OCA2: variants seen among roughly 807,000 people sequenced by gnomAD.
The protein encoded by OCA2 is OCA2 melanosomal transmembrane protein, also known as P protein.
Under a neutral mutation model 100.2 loss-of-function variants are expected in OCA2, and 77 were observed. The ratio of observed to expected loss-of-function variants is 0.77; its 90% confidence interval spans 0.64 to 0.93. The LOEUF (loss-of-function observed/expected upper bound fraction) is 0.93. Among genes scored for constraint, OCA2 ranks in the 40% least tolerant of loss-of-function variants. The pLI is 0.00. For missense variants in OCA2, 1,062 were observed against 1,089.1 expected, an observed-to-expected ratio of 0.98 and a Z score of 0.35; for synonymous variants, 432 against 439.2, an observed-to-expected ratio of 0.98 and a Z score of 0.21.
chr15:27,847,508 A>C (rs1421374067), intron 22 of OCA2, among the ~76,000 whole-genome samples: 1 of 152,156 alleles, frequency 6.6e-6, no homozygotes, highest in Non-Finnish European at 1.5e-5. Context: ...AGCAAGGCTG[A>C]TACCAAAGCA....
the OCA2 span, among the ~76,000 whole-genome samples, chr15:27,730,732 AATATATATATATATATATATATATATAT>A: frequency 2.7e-3 from 278 of 102,012 alleles, no homozygotes; most frequent in African/African-American, 8.1e-3. Flanking sequence ...AAAAAGACCA[AATATATATATATATATATATATATATAT>A]ATATATATAT....
At position 27,798,760 on chromosome 15, in the gene OCA2, C is replaced by T. The variant is rs550318522; in HGVS notation, c.2433-43288G>A. On this transcript the variant is annotated intron_variant, in intron 23 of 23. Coordinates refer to ENST00000354638, the MANE Select transcript of OCA2 (RefSeq NM_000275.3). Reference sequence around the variant, plus strand: ...TGTGGGGTTTGGATGCTGATTCCAACATTCAAAATAACACGCAAGGTAACT... The same window carrying T: ...TGTGGGGTTTGGATGCTGATTCCAATATTCAAAATAACACGCAAGGTAACT... 5.3e-5 allele frequency among the ~76,000 whole-genome samples: 8 copies of T among 152,290 alleles called. No homozygotes were observed. The South Asian group carries it at 1.2e-3, about 24-fold the overall frequency.
At position 27,886,383 on chromosome 15, in the gene OCA2, G is replaced by A. The variant is rs180856781; in HGVS notation, c.2080-14461C>T. Among the ~76,000 whole-genome samples the A allele has an allele frequency of 2.8e-3, 422 of 152,278 alleles. 5 individuals are homozygous for A. Among genetic ancestry groups the A allele is most frequent in the Admixed American group, 0.022 (342 of 15,286 alleles). ...TTCAAGGTTCTCAAACCAAACGGCC[G>A]CTGAGAAGCCAATAAAGTTCCTTAA... On this transcript the variant is annotated intron_variant, in intron 19 of 23. Coordinates refer to ENST00000354638, the MANE Select transcript of OCA2 (RefSeq NM_000275.3).
the OCA2 span, among the ~76,000 whole-genome samples, chr15:27,745,894 T>G: frequency 1.3e-5 from 2 of 152,244 alleles, no homozygotes; most frequent in African/African-American, 4.8e-5. Context: ...TCAGAAAACC[T>G]TTGAATCCAC....
intron 18 of OCA2, among the ~76,000 whole-genome samples, chr15:27,931,900 C>T (rs2039265113): frequency 6.6e-6 from 1 of 152,144 alleles, no homozygotes; most frequent in Non-Finnish European, 1.5e-5. Context: ...CACTCCTGTT[C>T]ATCTGGTCCT....
intron 18 of OCA2, among the ~76,000 whole-genome samples, chr15:27,948,217 T>C (rs1254489461): frequency 2.0e-5 from 3 of 152,114 alleles, no homozygotes; most frequent in Non-Finnish European, 4.4e-5. Context: ...GGGATTCTCA[T>C]TGTGCCACGT....
At chr15:27,865,180 CTT>C (rs1374989102) in intron 21 of OCA2, among the ~76,000 whole-genome samples, 1 of 151,946 alleles carries the variant, frequency 6.6e-6, no homozygotes, top group African/African-American at 2.4e-5. Flanking sequence ...TGTTTTGTCT[CTT>C]GAGACTCAAT....
At chr15:28,048,592 A>G (rs989248446) in intron 2 of OCA2, among the ~76,000 whole-genome samples, 1 of 152,226 alleles carries the variant, frequency 6.6e-6, no homozygotes, top group Non-Finnish European at 1.5e-5. Context: ...TTAGAAAAAA[A>G]CAAACATGAC....
intron 1 of OCA2, among the ~76,000 whole-genome samples, chr15:28,088,204 G>A (rs577801616): frequency 5.3e-5 from 8 of 152,290 alleles, no homozygotes; most frequent in African/African-American, 1.4e-4. Flanking sequence ...ACATTTATAC[G>A]TAGGTAAATA....
intron 4 of OCA2, among the ~76,000 whole-genome samples, chr15:28,027,551 G>A (rs58242841): frequency 0.02 from 3,043 of 152,230 alleles, 55 homozygotes; most frequent in African/African-American, 0.049. Context: ...AAAACGCCAC[G>A]GGGACGCCTG....
chr15:27,909,647 G>A (rs1267489559), intron 19 of OCA2, among the ~76,000 whole-genome samples: 4 of 152,082 alleles, frequency 2.6e-5, no homozygotes, highest in Admixed American at 2.0e-4. Flanking sequence ...AATCACTGGA[G>A]TACAAGTGTC....
chr15:27,722,668 TTTCTTTTC>T, the OCA2 span, among the ~76,000 whole-genome samples: 4 of 151,074 alleles, frequency 2.6e-5, no homozygotes, highest in African/African-American at 9.8e-5. Context: ...CTTTCTTTCC[TTTCTTTTC>T]TTTCTTTCTT....
chr15:28,066,311 A>G (rs1281923056), intron 2 of OCA2, among the ~76,000 whole-genome samples: 1 of 152,180 alleles, frequency 6.6e-6, no homozygotes, highest in Admixed American at 6.5e-5. Flanking sequence ...TTTGAAACCA[A>G]AAATAAAATT....
At chr15:27,871,012 G>T in intron 21 of OCA2, 142 bp downstream of exon 21, 1 of 723,466 alleles carries the variant, frequency 1.4e-6, no homozygotes. Flanking sequence ...AGCTGCCCTG[G>T]GCTCTGCTCA....
chr15:28,049,335 G>C (rs536778889), intron 2 of OCA2, among the ~76,000 whole-genome samples: 2 of 152,322 alleles, frequency 1.3e-5, no homozygotes, highest in African/African-American at 4.8e-5. Context: ...ATGTTGGTGA[G>C]TATATAGAGA....
intron 11 of OCA2, among the ~76,000 whole-genome samples, chr15:27,987,969 T>A (rs965995430): frequency 4.6e-5 from 7 of 152,068 alleles, no homozygotes; most frequent in Admixed American, 4.6e-4. Context: ...ATGTCCAGAG[T>A]GACCATCAAT....
chr15:27,855,008 C>T (rs1170579904), intron 21 of OCA2, among the ~76,000 whole-genome samples: 2 of 152,306 alleles, frequency 1.3e-5, no homozygotes, highest in East Asian at 3.9e-4. Flanking sequence ...GAAAACCTAC[C>T]CCATGTTCCA....
At position 27,934,636 on chromosome 15, in the gene OCA2, T is replaced by C. The variant is rs150996559; in HGVS notation, c.1952-8382A>G. 2.2e-3 allele frequency among the ~76,000 whole-genome samples: 340 copies of C among 152,306 alleles called. 2 individuals are homozygous for C. The highest frequency in any genetic ancestry group is 7.8e-3 in the African/African-American group (324 of 41,556). On this transcript the variant is annotated intron_variant, in intron 18 of 23. Coordinates refer to ENST00000354638, the MANE Select transcript of OCA2 (RefSeq NM_000275.3). ...AAGAACACAAGTTCTTTTCCATGATTCTGAGAGAAATTTCAGTCATGACAA... is the reference window on the plus strand; with the variant it reads ...AAGAACACAAGTTCTTTTCCATGATCCTGAGAGAAATTTCAGTCATGACAA...
chr15:27,967,680 G>T (rs926803317), intron 14 of OCA2, among the ~76,000 whole-genome samples: 1 of 152,240 alleles, frequency 6.6e-6, no homozygotes, highest in African/African-American at 2.4e-5. Context: ...GGGACCAGCC[G>T]CAGGGACTCA....
Sources: gnomAD v4.1 joint callset for allele counts (sites outside exome capture counted in the v4.1 genomes callset) on GRCh38, gnomAD v4.1.1 for gene constraint, MANE v1.5 for transcripts, NCBI Gene and HGNC (gene_info 2026-07-23, HGNC 2026-07-21) for gene names.